ATP8A2: variants seen among roughly 807,000 people sequenced by gnomAD.
ATP8A2 encodes ATPase phospholipid transporting 8A2.
A neutral mutation model predicts 165.6 loss-of-function variants in ATP8A2; 100 were observed. That is an observed-to-expected ratio of 0.60 (90% CI 0.51 to 0.71). The LOEUF (loss-of-function observed/expected upper bound fraction) is 0.71. Among genes scored for constraint, ATP8A2 ranks in the 30% least tolerant of loss-of-function variants. The pLI, the probability that ATP8A2 is intolerant of heterozygous loss-of-function variation, is 0.00. For synonymous variants in ATP8A2, 543 were observed against 548.8 expected (o/e 0.99, Z 0.15); for missense variants, 1,227 against 1,479.5 (o/e 0.83, Z 2.80).
Position 25,726,475 on chromosome 13 carries a change from G to C in ATP8A2, c.2384+27130G>C, listed in dbSNP as rs369302080. Among the ~76,000 whole-genome samples, 6 of 152,348 alleles carry C rather than the reference G, an allele frequency of 3.9e-5. No homozygotes were observed. In the South Asian group the frequency reaches 1.0e-3, roughly 26 times the overall value. ...GTCCTTGCCTTTTCAGCTCCTAGTA[G>C]ATGCTGGATTCTGATGGCTTTTTAA... On this transcript the variant is annotated intron_variant, in intron 25 of 36. Transcript: ENST00000381655.
rs748793815 is a variant in ATP8A2 at position 25,533,264 on chromosome 13, C to T, written c.467-9C>T. 4.8e-6 allele frequency: 7 copies of T among 1,452,660 alleles called. No individual in the cohort carries two copies. The African/African-American group carries it at 7.0e-5, about 15-fold the overall frequency. The allele number at this position is 1,452,660 out of a possible 1,614,324, so 90.0% of individuals were successfully genotyped here. A position where few individuals can be genotyped will look rare whatever the true frequency, so the allele number is the denominator to read the frequency against. The stretch of plus-strand genomic sequence containing the variant: ...GTATTAACCAATATTTTATTTTTCT[C>T]TTTTTCAGTGTTAAGAAATGGTATG... On this transcript the variant is annotated splice_polypyrimidine_tract_variant and intron_variant, in intron 5 of 36. Coordinates refer to ENST00000381655, the MANE Select transcript of ATP8A2 (RefSeq NM_016529.6).
chr13:25,561,601 A>C (rs889233282), intron 15 of ATP8A2, among the ~76,000 whole-genome samples: 14 of 151,764 alleles, frequency 9.2e-5, no homozygotes, highest in African/African-American at 3.4e-4. Flanking sequence ...CTGTGTGCTC[A>C]TATATTTTCA....
chr13:25,723,475 G>A (rs949843984), intron 25 of ATP8A2, among the ~76,000 whole-genome samples: 1 of 151,902 alleles, frequency 6.6e-6, no homozygotes, highest in African/African-American at 2.4e-5. Context: ...GTTGGCTACA[G>A]TGAGTTTCTT....
At chr13:25,596,126 G>T (rs1263170560) in intron 24 of ATP8A2, among the ~76,000 whole-genome samples, 1 of 152,130 alleles carries the variant, frequency 6.6e-6, no homozygotes, top group Non-Finnish European at 1.5e-5. Flanking sequence ...CTCTGATTTT[G>T]CAATTTTCAT....
At chr13:25,519,256 G>T (rs987162154) in intron 2 of ATP8A2, among the ~76,000 whole-genome samples, 1 of 152,048 alleles carries the variant, frequency 6.6e-6, no homozygotes, top group African/African-American at 2.4e-5. Flanking sequence ...ACCTTCCCTC[G>T]CCACTCTGTT....
intron 2 of ATP8A2, among the ~76,000 whole-genome samples, chr13:25,502,215 T>C (rs2036876056): frequency 6.6e-6 from 1 of 152,196 alleles, no homozygotes; most frequent in South Asian, 2.1e-4. Context: ...TGTGTCATTG[T>C]GGATAGATTC....
chr13:25,876,143 T>C (rs1372437205), intron 33 of ATP8A2, among the ~76,000 whole-genome samples: 1 of 152,072 alleles, frequency 6.6e-6, no homozygotes, highest in Non-Finnish European at 1.5e-5. Context: ...ACGGAAGAAA[T>C]AGAACTTCTC....
chr13:25,558,538 C>T (rs2138099588), intron 13 of ATP8A2, among the ~76,000 whole-genome samples: 1 of 152,266 alleles, frequency 6.6e-6, no homozygotes, highest in Non-Finnish European at 1.5e-5. Flanking sequence ...TAGACCAGTT[C>T]TCTGGGATCT....
At chr13:25,831,418 T>G (rs138432532) in intron 28 of ATP8A2, among the ~76,000 whole-genome samples, 4,040 of 152,160 alleles carry the variant, frequency 0.027, 67 homozygotes, top group Non-Finnish European at 0.043. Context: ...TTTCACTGTG[T>G]TAGCCAGGAT....
intron 23 of ATP8A2, among the ~76,000 whole-genome samples, chr13:25,586,261 G>C (rs2039918321): frequency 6.6e-6 from 1 of 152,202 alleles, no homozygotes; most frequent in Admixed American, 6.5e-5. Flanking sequence ...TAAAGGACCA[G>C]GGAAGTCTTC....
intron 24 of ATP8A2, among the ~76,000 whole-genome samples, chr13:25,692,767 C>T (rs997016643): frequency 6.6e-6 from 1 of 152,120 alleles, no homozygotes; most frequent in African/African-American, 2.4e-5. Flanking sequence ...ACTGGGAATG[C>T]AAAGGCCATG....
At chr13:25,756,062 G>A (rs555421086) in intron 25 of ATP8A2, among the ~76,000 whole-genome samples, 1 of 152,302 alleles carries the variant, frequency 6.6e-6, no homozygotes, top group South Asian at 2.1e-4. Context: ...AAAGCCAGGA[G>A]CTGAGAGGGG....
chr13:25,649,884 T>C (rs1476927954), intron 24 of ATP8A2, among the ~76,000 whole-genome samples: 3 of 152,158 alleles, frequency 2.0e-5, no homozygotes, highest in Admixed American at 1.3e-4. Flanking sequence ...TCTAATCAGG[T>C]ACCTTTGCTG....
intron 2 of ATP8A2, among the ~76,000 whole-genome samples, chr13:25,474,964 C>T (rs986254573): frequency 6.6e-6 from 1 of 152,042 alleles, no homozygotes; most frequent in Non-Finnish European, 1.5e-5. Flanking sequence ...GGATTACAGG[C>T]ATGTGCCACC....
chr13:25,532,696 C>T (rs2038153641), intron 5 of ATP8A2, among the ~76,000 whole-genome samples: 1 of 152,116 alleles, frequency 6.6e-6, no homozygotes, highest in Admixed American at 6.6e-5. Flanking sequence ...GACAGGGTCT[C>T]ACTCCTGTTG....
chr13:25,738,523 C>G lies in ATP8A2; in HGVS notation c.2385-30523C>G, dbSNP rs567849065. Among the ~76,000 whole-genome samples the G allele has an allele frequency of 2.6e-5, 4 of 152,280 alleles. No homozygotes were observed. The South Asian group carries it at 8.3e-4, about 32-fold the overall frequency. Reference sequence around the variant, plus strand: ...GCTGTGATTGGAAGGAGGTGGAGAGCGAGCAGGGAACACAGGAAGCAGAGA... The same window carrying G: ...GCTGTGATTGGAAGGAGGTGGAGAGGGAGCAGGGAACACAGGAAGCAGAGA... On this transcript the variant is annotated intron_variant, in intron 25 of 36. Coordinates refer to ENST00000381655, the MANE Select transcript of ATP8A2 (RefSeq NM_016529.6).
At chr13:25,445,404 G>A (rs926083567) in intron 1 of ATP8A2, among the ~76,000 whole-genome samples, 12 of 152,178 alleles carry the variant, frequency 7.9e-5, no homozygotes, top group African/African-American at 2.9e-4. Context: ...ATTACTTGCA[G>A]CCTCGTCTCC....
chr13:25,737,497 C>T (rs566613048), intron 25 of ATP8A2, among the ~76,000 whole-genome samples: 9 of 152,098 alleles, frequency 5.9e-5, no homozygotes, highest in Middle Eastern at 3.4e-3. Context: ...TGCAAATTAT[C>T]GCTTTCTTTT....
intron 27 of ATP8A2, among the ~76,000 whole-genome samples, chr13:25,818,675 A>G (rs9511930): frequency 0.044 from 6,644 of 152,254 alleles, 173 homozygotes; most frequent in Middle Eastern, 0.099. Context: ...AATAACAGAA[A>G]TGACTGTTCT....
Sources: allele counts gnomAD v4.1 joint callset (sites outside exome capture counted in the v4.1 genomes callset), GRCh38; gene constraint gnomAD v4.1.1; transcripts MANE v1.5; gene names NCBI Gene and HGNC (gene_info 2026-07-23, HGNC 2026-07-21).